The following CSMD1 variants were observed in gnomAD, a reference collection of about 807,000 sequenced individuals.
The protein encoded by CSMD1 is CUB and Sushi multiple domains 1.
A neutral mutation model predicts 417.5 loss-of-function variants in CSMD1; 213 were observed. That is an observed-to-expected ratio of 0.51 (90% CI 0.46 to 0.57). CSMD1 has a LOEUF of 0.57. Among genes scored for constraint, CSMD1 ranks in the 20% least tolerant of loss-of-function variants. The probability of loss-of-function intolerance (pLI) is 0.00; values close to 1 mark genes in which losing one functional copy is unlikely to be tolerated. For missense variants in CSMD1, 6,923 were observed against 4,529.7 expected, an observed-to-expected ratio of 1.53 and a Z score of -15.17; for synonymous variants, 2,862 against 1,736.8, an observed-to-expected ratio of 1.65 and a Z score of -16.11.
intron 2 of CSMD1, among the ~76,000 whole-genome samples, chr8:4,451,600 T>A (rs1799148305): frequency 6.6e-6 from 1 of 151,988 alleles, no homozygotes; most frequent in Non-Finnish European, 1.5e-5. Flanking sequence ...AGAAGACCAT[T>A]TTAGAGGTTA....
At chr8:4,256,036 C>G (rs1029619772) in intron 3 of CSMD1, among the ~76,000 whole-genome samples, 5 of 152,176 alleles carry the variant, frequency 3.3e-5, no homozygotes, top group African/African-American at 1.2e-4. Flanking sequence ...AAGAACACCA[C>G]TTTTTAGATG....
At chr8:3,891,541 A>G (rs773823165) in intron 5 of CSMD1, among the ~76,000 whole-genome samples, 60 of 152,066 alleles carry the variant, frequency 3.9e-4, no homozygotes, top group Admixed American at 2.2e-3. Context: ...AAAAAAGCCA[A>G]TAGTGGGGGT....
At chr8:4,421,411 C>T (rs1350500852) in intron 2 of CSMD1, among the ~76,000 whole-genome samples, 1 of 151,984 alleles carries the variant, frequency 6.6e-6, no homozygotes, top group East Asian at 1.9e-4. Context: ...AGAACATATA[C>T]CAAGATAAAC....
chr8:3,459,353 C>T (rs1265085696), intron 12 of CSMD1, among the ~76,000 whole-genome samples: 1 of 152,164 alleles, frequency 6.6e-6, no homozygotes, highest in East Asian at 1.9e-4. Flanking sequence ...AACACAGCGG[C>T]CGTAATATGA....
intron 54 of CSMD1, among the ~76,000 whole-genome samples, chr8:2,988,825 AT>A (rs1042060246): frequency 6.6e-6 from 1 of 152,206 alleles, no homozygotes; most frequent in African/African-American, 2.4e-5. Context: ...ATAGAGCTGC[AT>A]CCTGTGAAGG....
At chr8:3,998,170 G>A (rs1231624567) in intron 4 of CSMD1, 60 bp from the exon 5 acceptor site, 6 of 1,424,890 alleles carry the variant, frequency 4.2e-6, no homozygotes, top group Admixed American at 2.0e-5. Context: ...ATACACGAGT[G>A]TGTCCACCAA....
At chr8:3,758,485 T>C (rs1384775181) in intron 5 of CSMD1, among the ~76,000 whole-genome samples, 1 of 152,168 alleles carries the variant, frequency 6.6e-6, no homozygotes, top group Non-Finnish European at 1.5e-5. Flanking sequence ...TAGAACTGTG[T>C]TGTTATTCTA....
chr8:4,222,209 A>T (rs1801072400), intron 3 of CSMD1, among the ~76,000 whole-genome samples: 1 of 152,158 alleles, frequency 6.6e-6, no homozygotes, highest in African/African-American at 2.4e-5. Context: ...CAGATAATTG[A>T]ATCAAGATTC....
At position 4,440,749 on chromosome 8, in the gene CSMD1, A is replaced by C. The variant is rs1452957076; in HGVS notation, c.303-20684T>G. Among the ~76,000 whole-genome samples, 4 of 152,234 alleles carry C rather than the reference A, an allele frequency of 2.6e-5. No individual in the cohort carries two copies. The East Asian group carries it at 7.7e-4, about 29-fold the overall frequency. Reference sequence around the variant, plus strand: ...GGTGGTTCATGCCTATAATCCCAGCATTTTGGGAGGCCAGTGCGAGCAGAT... The same window carrying C: ...GGTGGTTCATGCCTATAATCCCAGCCTTTTGGGAGGCCAGTGCGAGCAGAT... On this transcript the variant is annotated intron_variant, in intron 2 of 69. Coordinates refer to ENST00000635120, the MANE Select transcript of CSMD1 (RefSeq NM_033225.6).
intron 26 of CSMD1, among the ~76,000 whole-genome samples, chr8:3,280,513 G>C (rs186771992): frequency 6.6e-6 from 1 of 152,060 alleles, no homozygotes; most frequent in South Asian, 2.1e-4. Flanking sequence ...ATGCCTCAGA[G>C]TCAATGTTAT....
chr8:3,598,432 G>C (rs1288330576), intron 8 of CSMD1: 2 of 152,190 alleles, frequency 1.3e-5, no homozygotes, highest in Admixed American at 6.5e-5. Context: ...TTTTCCCTCA[G>C]GGTTTTTACA....
At chr8:4,425,094 G>A (rs565441311) in intron 2 of CSMD1, among the ~76,000 whole-genome samples, 7 of 151,892 alleles carry the variant, frequency 4.6e-5, no homozygotes, top group South Asian at 2.1e-4. Context: ...ATATATATTC[G>A]CCTAAGTTAG....
intron 49 of CSMD1, among the ~76,000 whole-genome samples, chr8:3,055,644 T>A (rs1812164321): frequency 6.6e-6 from 1 of 152,236 alleles, no homozygotes; most frequent in South Asian, 2.1e-4. Flanking sequence ...CTTTCACAGT[T>A]TGGAGAATTT....
chr8:3,213,936 C>A (rs549613562), intron 30 of CSMD1, among the ~76,000 whole-genome samples: 5 of 151,658 alleles, frequency 3.3e-5, no homozygotes, highest in East Asian at 1.9e-4. Context: ...CAGCTCACTG[C>A]CCAGGTTCAA....
Position 3,428,280 on chromosome 8 carries a change from C to T in CSMD1, c.1562-18675G>A, listed in dbSNP as rs148138256. Among the ~76,000 whole-genome samples, 396 of 152,248 alleles carry T rather than the reference C, an allele frequency of 2.6e-3. 3 individuals carry two copies. Among genetic ancestry groups the T allele is most frequent in the African/African-American group, 8.8e-3 (366 of 41,556 alleles). Reference sequence around the variant, plus strand: ...AAAGTCACTTTAGAAAACAAACAAACGGCTCTGCAGCCAGAACTGCTTCCT... The same window carrying T: ...AAAGTCACTTTAGAAAACAAACAAATGGCTCTGCAGCCAGAACTGCTTCCT... On this transcript the variant is annotated intron_variant, in intron 12 of 69. Coordinates refer to ENST00000635120, the MANE Select transcript of CSMD1 (RefSeq NM_033225.6).
In CSMD1 at chr8:4,158,836, G is replaced by A. The variant is rs543496285; in HGVS notation, c.416-126737C>T. ...TGGGATGATGTAGAATCCAATAATA[G>A]GAAGTCAGTTTTCAGAATCTGAAAT... On this transcript the variant is annotated intron_variant, in intron 3 of 69. Transcript: ENST00000635120. 2.6e-4 allele frequency among the ~76,000 whole-genome samples: 39 copies of A among 152,268 alleles called. No individual in the cohort carries two copies. The East Asian group carries it at 4.6e-3, about 18-fold the overall frequency.
chr8:3,598,374 AG>A (rs1801192938), intron 8 of CSMD1: 1 of 152,174 alleles, frequency 6.6e-6, no homozygotes. Context: ...ATTTAGATCC[AG>A]CCCTTAATGC....
At chr8:4,791,834 C>A (rs1480493245) in intron 1 of CSMD1, among the ~76,000 whole-genome samples, 1 of 152,050 alleles carries the variant, frequency 6.6e-6, no homozygotes, top group African/African-American at 2.4e-5. Context: ...CTACAAAATT[C>A]CAACAGATAT....
At chr8:4,444,198 C>A (rs1798646819) in intron 2 of CSMD1, among the ~76,000 whole-genome samples, 1 of 151,614 alleles carries the variant, frequency 6.6e-6, no homozygotes, top group Admixed American at 6.6e-5. Flanking sequence ...AAAAACTAGC[C>A]AGGCATGGTG....
Sources: gnomAD v4.1 joint callset for allele counts (sites outside exome capture counted in the v4.1 genomes callset) on GRCh38, gnomAD v4.1.1 for gene constraint, MANE v1.5 for transcripts, NCBI Gene and HGNC (gene_info 2026-07-23, HGNC 2026-07-21) for gene names.